Variants in PPP2R2B observed in about 807,000 individuals in gnomAD.
The protein encoded by PPP2R2B is protein phosphatase 2 regulatory subunit Bbeta, also known as serine/threonine-protein phosphatase 2A 55 kDa regulatory subunit B beta isoform.
In PPP2R2B, 5 loss-of-function variants were observed where a neutral mutation model predicts 46.0. The observed-to-expected ratio is 0.11, with a 90% confidence interval of 0.06 to 0.23. The LOEUF (loss-of-function observed/expected upper bound fraction) is 0.23. PPP2R2B is among the 10% of genes least tolerant of loss of function. PPP2R2B has a pLI of 1.00. For synonymous variants in PPP2R2B, 215 were observed against 206.7 expected (o/e 1.04, Z -0.34); for missense variants, 367 against 575.0 (o/e 0.64, Z 3.70).
intron 1 of PPP2R2B, chr5:147,040,903 T>C (rs1329216153): frequency 5.1e-6 from 2 of 392,798 alleles, no homozygotes; most frequent in East Asian, 1.4e-4. Flanking sequence ...TCCTGAGGGC[T>C]TATCAAGACA....
At chr5:146,698,537 C>G (rs138560571) in intron 3 of PPP2R2B, among the ~76,000 whole-genome samples, 1 of 151,646 alleles carries the variant, frequency 6.6e-6, no homozygotes, top group Non-Finnish European at 1.5e-5. Flanking sequence ...CAGTGGCATT[C>G]GTAAATACTT....
intron 2 of PPP2R2B, among the ~76,000 whole-genome samples, chr5:146,750,300 C>T (rs1753476929): frequency 6.6e-6 from 1 of 152,074 alleles, no homozygotes; most frequent in South Asian, 2.1e-4. Flanking sequence ...TTTCCATATA[C>T]ATTTTAGAAT....
At chr5:146,861,955 CATATA>C (rs1333057415) in intron 2 of PPP2R2B, among the ~76,000 whole-genome samples, 1 of 151,148 alleles carries the variant, frequency 6.6e-6, no homozygotes, top group Non-Finnish European at 1.5e-5. Flanking sequence ...TGTAATAACT[CATATA>C]ATATGAATGA....
intron 1 of PPP2R2B, among the ~76,000 whole-genome samples, chr5:146,993,169 G>A (rs1006283949): frequency 2.7e-5 from 4 of 150,100 alleles, no homozygotes; most frequent in South Asian, 2.1e-4. Flanking sequence ...TCTCAAACTC[G>A]TAATCTCAGG....
In PPP2R2B at chr5:147,005,097, G is replaced by A. The variant is rs534523639; in HGVS notation, c.79+50568C>T. Among the ~76,000 whole-genome samples the A allele has an allele frequency of 2.6e-5, 4 of 152,282 alleles. No individual in the cohort carries two copies. The South Asian group carries it at 8.3e-4, about 32-fold the overall frequency. ...GGACCAGTGCTTCAAACATGTATGT[G>A]TGAGGCCCTCAACCCTGCCACTTTT... On this transcript the variant is annotated intron_variant, in intron 1 of 8. Coordinates refer to the PPP2R2B transcript ENST00000336640.
chr5:146,734,245 T>TG (rs1752408264), intron 2 of PPP2R2B, among the ~76,000 whole-genome samples: 1 of 151,904 alleles, frequency 6.6e-6, no homozygotes, highest in Non-Finnish European at 1.5e-5. Flanking sequence ...TTTGTAGAGA[T>TG]GGGGCCTCCC....
chr5:146,900,587 C>CTTCCTTCCTTCCTTCCTTCTTTCCTTCT, intron 1 of PPP2R2B, among the ~76,000 whole-genome samples: 1 of 112,248 alleles, frequency 8.9e-6, no homozygotes, highest in Non-Finnish European at 1.7e-5. Context: ...TCCTTCCTTC[C>CTTCCTTCCTTCCTTCCTTCTTTCCTTCT]TTCCTTCTTT....
chr5:147,015,349 C>G (rs577237331), intron 1 of PPP2R2B, among the ~76,000 whole-genome samples: 1 of 151,620 alleles, frequency 6.6e-6, no homozygotes, highest in South Asian at 2.1e-4. Flanking sequence ...CCTACATGAA[C>G]CTTCTACTGA....
intron 2 of PPP2R2B, among the ~76,000 whole-genome samples, chr5:146,833,850 A>G (rs1759110640): frequency 6.6e-6 from 1 of 152,046 alleles, no homozygotes. Context: ...CCCAAAATCA[A>G]ATAATATTCA....
chr5:146,813,871 A>T (rs911359991), intron 2 of PPP2R2B, among the ~76,000 whole-genome samples: 4 of 152,174 alleles, frequency 2.6e-5, no homozygotes, highest in African/African-American at 9.7e-5. Context: ...AAACGGAGAG[A>T]GCAAGCAGGA....
intron 5 of PPP2R2B, among the ~76,000 whole-genome samples, chr5:146,666,463 A>G (rs1776984194): frequency 6.6e-6 from 1 of 152,254 alleles, no homozygotes; most frequent in Non-Finnish European, 1.5e-5. Context: ...AAGATTCTTC[A>G]GTCTGCACTG....
chr5:146,938,221 C>T (rs910355265), intron 1 of PPP2R2B, among the ~76,000 whole-genome samples: 1 of 152,144 alleles, frequency 6.6e-6, no homozygotes, highest in African/African-American at 2.4e-5. Flanking sequence ...AATATAAACT[C>T]ACTATCTATT....
At chr5:146,711,572 G>A (rs1374086337) in intron 2 of PPP2R2B, among the ~76,000 whole-genome samples, 1 of 152,218 alleles carries the variant, frequency 6.6e-6, no homozygotes, top group Non-Finnish European at 1.5e-5. Flanking sequence ...AAGCAGATGG[G>A]TTGGGGGAGA....
chr5:146,667,841 T>C (rs1777102143), intron 5 of PPP2R2B, among the ~76,000 whole-genome samples: 1 of 152,060 alleles, frequency 6.6e-6, no homozygotes, highest in Non-Finnish European at 1.5e-5. Context: ...CTCCAATGAG[T>C]CACTCCAGCC....
Position 146,596,030 on chromosome 5 carries a change from G to A in PPP2R2B, c.961-2968C>T, listed in dbSNP as rs113733209. ...TGACAAACTTTTTCTCCAAAGGGCC[G>A]GATAGTAAATATTTTAAGCTCTGTG... On this transcript the variant is annotated intron_variant, in intron 8 of 9. Coordinates refer to ENST00000394411, the MANE Select transcript of PPP2R2B (RefSeq NM_181675.4). 9.4e-4 allele frequency among the ~76,000 whole-genome samples: 143 copies of A among 152,210 alleles called. 1 individual carries two copies. Among genetic ancestry groups the A allele is most frequent in the African/African-American group, 3.2e-3 (134 of 41,518 alleles).
intron 2 of PPP2R2B, among the ~76,000 whole-genome samples, chr5:146,803,892 G>T (rs1438583409): frequency 2.0e-5 from 3 of 152,192 alleles, no homozygotes; most frequent in Non-Finnish European, 4.4e-5. Flanking sequence ...AGCTGGTTGG[G>T]CACGGTGGCT....
Position 146,836,095 on chromosome 5 carries a change from C to T in PPP2R2B, c.70+41907G>A, listed in dbSNP as rs180739771. Among the ~76,000 whole-genome samples the T allele has an allele frequency of 2.6e-5, 4 of 152,230 alleles. No homozygotes were observed. In the East Asian group the frequency reaches 7.7e-4, roughly 29 times the overall value. On this transcript the variant is annotated intron_variant, in intron 2 of 9. Transcript: ENST00000394411. ...AAATATTCAATAAATATTACTTTAT[C>T]TTATCATTTTGCTAAATTGTAACAG...
intron 2 of PPP2R2B, among the ~76,000 whole-genome samples, chr5:146,774,882 C>T (rs1442633031): frequency 6.7e-6 from 1 of 149,526 alleles, no homozygotes; most frequent in East Asian, 2.0e-4. Context: ...AATTGGGTAA[C>T]CTAGATTAAC....
Position 147,021,377 on chromosome 5 carries a change from G to A in PPP2R2B, c.79+34288C>T, listed in dbSNP as rs114880252. The stretch of plus-strand genomic sequence containing the variant: ...TTGGAGGCAGATACTGGAGAGGTGA[G>A]AGTGGAGAAAGAGTTTGAGAAATCT... On this transcript the variant is annotated intron_variant, in intron 1 of 8. Transcript: ENST00000336640. Among the ~76,000 whole-genome samples the A allele has an allele frequency of 6.5e-3, 995 of 152,306 alleles. 11 individuals are homozygous for A. Among genetic ancestry groups the A allele is most frequent in the African/African-American group, 0.023 (951 of 41,568 alleles).
Sources: allele counts gnomAD v4.1 joint callset (sites outside exome capture counted in the v4.1 genomes callset), GRCh38; gene constraint gnomAD v4.1.1; transcripts MANE v1.5; gene names NCBI Gene and HGNC (gene_info 2026-07-23, HGNC 2026-07-21).